The following DMBT1 variants were observed in gnomAD, a reference collection of about 807,000 sequenced individuals.
The protein encoded by DMBT1 is scavenger receptor cysteine-rich domain-containing protein DMBT1.
A neutral mutation model predicts 252.9 loss-of-function variants in DMBT1; 198 were observed. The ratio of observed to expected loss-of-function variants is 0.78; its 90% CI spans 0.70 to 0.88. DMBT1 has a LOEUF of 0.88. DMBT1 is among the 40% of genes least tolerant of loss of function. The pLI is 0.00. For missense variants in DMBT1, 2,432 were observed against 2,404.7 expected, an observed-to-expected ratio of 1.01 and a Z score of -0.24; for synonymous variants, 990 against 942.7, an observed-to-expected ratio of 1.05 and a Z score of -0.92.
rs752549153 is a variant in DMBT1, at chr10:122,625,953, A to G, written c.5656A>G (p.Thr1886Ala). The change falls in exon 46 of 56, where the codon ACA (threonine) becomes GCA (alanine). Residue 1886 changes from threonine (T) to alanine (A), a missense_variant. Coordinates refer to ENST00000338354, the MANE Select transcript of DMBT1 (RefSeq NM_001377530.1). ...TCTAGATTGGTGGCATCCAACAACT[A>G]CAACCACTGCAAGTAGGTATCACAT... ...TTTDWWHPTT[T>A]TTARPSSNCG... 1.2e-6 allele frequency: 2 copies of G among 1,612,092 alleles called. No individual in the cohort carries two copies. The highest frequency in any genetic ancestry group is 1.7e-6 in the Non-Finnish European group (2 of 1,178,080).
chr10:122,636,071 G>A lies in DMBT1; in HGVS notation c.6629G>A (p.Cys2210Tyr), dbSNP rs755056574. The A allele has an allele frequency of 5.6e-6, 9 of 1,613,884 alleles. No homozygotes were observed. Among genetic ancestry groups the A allele is most frequent in the Admixed American group, 1.7e-5 (1 of 60,004 alleles). ...AGTTCCCCTCTCATTGCTCGAGTTT[G>A]TGATGGGGCCAGAGGCTCCTTCACT... Reference protein sequence around the residue: ...YRSSPLIARVCDGARGSFTSS... With the variant: ...YRSSPLIARVYDGARGSFTSS... The change falls in exon 53 of 56, where the codon TGT (cysteine) becomes TAT (tyrosine). Residue 2210 changes from cysteine (C) to tyrosine (Y), a missense_variant. Cys to Tyr is a radical substitution (Grantham distance 194, BLOSUM62 -2). Transcript: ENST00000338354.
rs770734716 is a variant in DMBT1 at position 122,576,586 on chromosome 10, T to G, written c.471T>G (p.Phe157Leu). ...TGTCAGCTCCAGGAAATGCCTGGTT[T>G]GGCCAGGGCTCAGGACCCATTGCCC... Reference protein sequence around the residue: ...WAMSAPGNAWFGQGSGPIALD... With the variant: ...WAMSAPGNAWLGQGSGPIALD... The change falls in exon 7 of 56, where the codon TTT becomes TTG. Residue 157 changes from phenylalanine (F) to leucine (L), a missense_variant. Coordinates refer to ENST00000338354, the MANE Select transcript of DMBT1 (RefSeq NM_001377530.1). The G allele has an allele frequency of 6.2e-7, 1 of 1,613,926 alleles. No individual in the cohort carries two copies. Among genetic ancestry groups the G allele is most frequent in the Non-Finnish European group, 8.5e-7 (1 of 1,179,826 alleles).
At chr10:122,643,011 A>G (rs1156742851) in intron 55 of DMBT1, 111 bp from the exon 56 acceptor site, 2 of 1,408,264 alleles carry the variant, frequency 1.4e-6, no homozygotes, top group Admixed American at 1.8e-5. Context: ...TGAGGTGTGC[A>G]GGAGGCAGGG....
chr10:122,624,866 G>A (rs1291409810), intron 44 of DMBT1, among the ~76,000 whole-genome samples: 1 of 151,004 alleles, frequency 6.6e-6, no homozygotes, highest in Non-Finnish European at 1.5e-5. Flanking sequence ...CCAAGACCTT[G>A]GGCCTCTATT....
In DMBT1 at chr10:122,598,902, G is replaced by A. The variant is rs1341210529; in HGVS notation, c.3085G>A (p.Val1029Ile). The A allele has an allele frequency of 5.6e-6, 9 of 1,613,844 alleles. No homozygotes were observed. The highest frequency in any genetic ancestry group is 7.6e-6 in the Non-Finnish European group (9 of 1,179,766). Residue 1029 changes from valine (V) to isoleucine (I), a missense_variant, in exon 26 of 56, where the codon GTC becomes ATC. Val to Ile is a conservative substitution (Grantham distance 29). Around this residue, in one of 3 missense-constraint regions of DMBT1, gnomAD observed 1,264 missense variants for 1,082.2 expected, o/e 1.17. Coordinates refer to ENST00000338354, the MANE Select transcript of DMBT1 (RefSeq NM_001377530.1). The part of the protein sequence containing the change: ...DDSWDTNDAN[V>I]VCRQLGCGWA... ...CAGCTGGGACACCAATGATGCCAAT[G>A]TCGTCTGCAGGCAACTGGGCTGTGG...
chr10:122,563,091 C>T (rs1248237657), intron 1 of DMBT1, among the ~76,000 whole-genome samples: 4 of 152,160 alleles, frequency 2.6e-5, no homozygotes, highest in African/African-American at 7.2e-5. Context: ...CTGGAAGTAC[C>T]GAGGTGGCAG....
At chr10:122,623,499 C>T (rs1391007655) in intron 44 of DMBT1, among the ~76,000 whole-genome samples, 1 of 152,202 alleles carries the variant, frequency 6.6e-6, no homozygotes, top group Non-Finnish European at 1.5e-5. Context: ...ACAGCTGCTG[C>T]ACCAAATTTG....
intron 43 of DMBT1, among the ~76,000 whole-genome samples, chr10:122,620,724 C>T (rs60514618): frequency 0.07 from 10,682 of 152,266 alleles, 603 homozygotes; most frequent in South Asian, 0.23. Flanking sequence ...AACTCCTGAA[C>T]GTGAGGCAGG....
rs148456470 is a variant in DMBT1, at chr10:122,562,752, C to T, written c.61+1921C>T. Among the ~76,000 whole-genome samples the T allele has an allele frequency of 1.7e-4, 26 of 152,346 alleles. No individual in the cohort carries two copies. The East Asian group carries it at 5.0e-3, about 29-fold the overall frequency. On this transcript the variant is annotated intron_variant, in intron 1 of 55. Coordinates refer to ENST00000338354, the MANE Select transcript of DMBT1 (RefSeq NM_001377530.1). ...GGACAGACATGCACACATGTGCATG[C>T]ATGCCTGTGTTTGCCATTCAGAGGT...
intron 20 of DMBT1, among the ~76,000 whole-genome samples, chr10:122,592,862 A>AC (rs1427616305): frequency 6.7e-6 from 1 of 148,398 alleles, no homozygotes; most frequent in East Asian, 2.1e-4. Context: ...CGAAGAGAAA[A>AC]CTGCTGGCTC....
At chr10:122,560,880 A>G in intron 1 of DMBT1, 49 bp downstream of exon 1, 2 of 1,397,232 alleles carry the variant, frequency 1.4e-6, no homozygotes, top group Admixed American at 2.0e-5. Context: ...TGCAGACCCA[A>G]TCATGGCAAA....
intron 44 of DMBT1, among the ~76,000 whole-genome samples, chr10:122,623,790 A>G (rs1031649894): frequency 7.2e-5 from 11 of 152,332 alleles, no homozygotes; most frequent in African/African-American, 2.6e-4. Flanking sequence ...GGCTCACAGG[A>G]CAGGGTTCAG....
chr10:122,624,399 T>C (rs897851597), intron 44 of DMBT1, among the ~76,000 whole-genome samples: 1 of 152,210 alleles, frequency 6.6e-6, no homozygotes, highest in Admixed American at 6.5e-5. Flanking sequence ...CTTCCGTCAA[T>C]GTCTATGCTG....
chr10:122,631,134 A>T lies in DMBT1; in HGVS notation c.6199A>T (p.Asn2067Tyr). ...GCGRAVSALG[N>Y]AYFGSGSGPI... ...TGGACGTGCAGTTTCAGCCCTTGGA[A>T]ATGCATATTTTGGCTCTGGCTCTGG... The change falls in exon 49 of 56, where the codon AAT becomes TAT. Residue 2067 changes from asparagine to tyrosine, a missense_variant. Asn to Tyr is a moderately radical substitution (Grantham distance 143). Coordinates refer to ENST00000338354, the MANE Select transcript of DMBT1 (RefSeq NM_001377530.1). 1.2e-6 allele frequency: 2 copies of T among 1,613,930 alleles called. No individual in the cohort carries two copies. Among genetic ancestry groups the T allele is most frequent in the South Asian group, 2.2e-5 (2 of 91,068 alleles).
intron 55 of DMBT1, 40 bp from the exon 56 acceptor site, chr10:122,643,082 G>T: frequency 6.3e-7 from 1 of 1,596,796 alleles, no homozygotes; most frequent in Non-Finnish European, 8.6e-7. Context: ...AGGAAGAATC[G>T]GGCCTTGGTG....
intron 10 of DMBT1, among the ~76,000 whole-genome samples, chr10:122,580,321 A>G (rs1193902138): frequency 6.6e-6 from 1 of 152,224 alleles, no homozygotes; most frequent in Non-Finnish European, 1.5e-5. Flanking sequence ...AGACCCAGTG[A>G]GGAGGTCTGG....
At chr10:122,619,938 C>G (rs188046043) in intron 42 of DMBT1, among the ~76,000 whole-genome samples, 17 of 152,330 alleles carry the variant, frequency 1.1e-4, no homozygotes, top group Non-Finnish European at 2.5e-4. Flanking sequence ...CATTTTAGCT[C>G]GAACTGTCAG....
In DMBT1 at chr10:122,593,407, C is replaced by T. The variant is rs200883428; in HGVS notation, c.2501-162C>T. 2.6e-4 allele frequency among the ~76,000 whole-genome samples: 38 copies of T among 148,308 alleles called. 4 individuals are homozygous for T. In the East Asian group the frequency reaches 3.5e-3, roughly 14 times the overall value. ...GAAGGATCTGCCTCGACCCCTTACA[C>T]GGTGCATCTCTGTGGGGATGTGCAT... On this transcript the variant is annotated intron_variant, in intron 20 of 55. Transcript: ENST00000338354.
chr10:122,577,677 C>A, intron 7 of DMBT1, 134 bp from the exon 8 acceptor site: 2 of 961,460 alleles, frequency 2.1e-6, no homozygotes, highest in Non-Finnish European at 3.1e-6. Context: ...TCACGGTGGG[C>A]ACTGGCAGGG....
Sources: gnomAD v4.1 joint callset for allele counts (sites outside exome capture counted in the v4.1 genomes callset) on GRCh38, gnomAD v4.1.1 for gene constraint, gnomAD v4.1.1 regional missense constraint, MANE v1.5 for transcripts, NCBI Gene and HGNC (gene_info 2026-07-23, HGNC 2026-07-21) for gene names.